Variants in HDAC9 observed in about 807,000 individuals in gnomAD.
HDAC9 encodes histone deacetylase 9.
In HDAC9, 41 loss-of-function variants were observed where a neutral mutation model predicts 139.4. That is an observed-to-expected ratio of 0.29 (90% CI 0.23 to 0.38). The LOEUF is 0.38. Among genes scored for constraint, HDAC9 ranks in the 10% least tolerant of loss-of-function variants. HDAC9 has a pLI of 1.00. For missense variants in HDAC9, 1,147 were observed against 1,297.0 expected, an observed-to-expected ratio of 0.88 and a Z score of 1.78; for synonymous variants, 517 against 476.2, an observed-to-expected ratio of 1.09 and a Z score of -1.12.
At chr7:18,512,382 A>T (rs184158713) in intron 2 of HDAC9, among the ~76,000 whole-genome samples, 212 of 152,318 alleles carry the variant, frequency 1.4e-3, no homozygotes, top group African/African-American at 4.6e-3. Flanking sequence ...TATATAAAAA[A>T]CAACCAAACA....
chr7:18,406,486 C>T (rs1228860393), intron 1 of HDAC9, among the ~76,000 whole-genome samples: 98 of 152,010 alleles, frequency 6.4e-4, no homozygotes, highest in Admixed American at 2.6e-4. Context: ...CTCCGCCTCC[C>T]GGGTTTACGC....
At chr7:18,548,190 G>A (rs1815818988) in intron 2 of HDAC9, among the ~76,000 whole-genome samples, 1 of 152,102 alleles carries the variant, frequency 6.6e-6, no homozygotes. Context: ...GCTGGTCAGT[G>A]AAGTCGGAAC....
At chr7:18,960,223 C>T (rs1244324642) in intron 24 of HDAC9, among the ~76,000 whole-genome samples, 2 of 152,114 alleles carry the variant, frequency 1.3e-5, no homozygotes, top group Non-Finnish European at 2.9e-5. Flanking sequence ...GCACAGAGCA[C>T]ACTCTCACAC....
At chr7:18,873,884 C>G (rs115775287) in intron 21 of HDAC9, among the ~76,000 whole-genome samples, 1 of 152,094 alleles carries the variant, frequency 6.6e-6, no homozygotes, top group Non-Finnish European at 1.5e-5. Flanking sequence ...GAGGCTGCCA[C>G]ATTCCTGGTG....
chr7:18,363,424 A>G (rs1056820284), intron 1 of HDAC9, among the ~76,000 whole-genome samples: 1 of 152,324 alleles, frequency 6.6e-6, no homozygotes, highest in Non-Finnish European at 1.5e-5. Flanking sequence ...CCATTTTTGT[A>G]GAATTTGGCC....
intron 1 of HDAC9, among the ~76,000 whole-genome samples, chr7:18,097,065 T>C (rs1235576675): frequency 2.0e-5 from 3 of 152,220 alleles, no homozygotes; most frequent in African/African-American, 7.2e-5. Flanking sequence ...TAGGCACATG[T>C]GGTCTTTGAA....
intron 1 of HDAC9, among the ~76,000 whole-genome samples, chr7:18,377,484 T>C (rs999910120): frequency 1.3e-5 from 2 of 152,216 alleles, no homozygotes; most frequent in Admixed American, 6.5e-5. Context: ...AGATTTCTTC[T>C]TTTTTTCCTT....
At chr7:18,535,690 T>A (rs1471823506) in intron 2 of HDAC9, among the ~76,000 whole-genome samples, 2 of 109,734 alleles carry the variant, frequency 1.8e-5, no homozygotes, top group African/African-American at 7.2e-5. Context: ...TCTACAAACA[T>A]TTTTCTGGGG....
intron 1 of HDAC9, among the ~76,000 whole-genome samples, chr7:18,443,792 C>G (rs551471583): frequency 7.3e-5 from 11 of 151,182 alleles, no homozygotes; most frequent in South Asian, 2.1e-4. Flanking sequence ...CTCTCCCTCT[C>G]TGTGTGTGTG....
At chr7:18,350,896 C>T (rs1382215688) in intron 1 of HDAC9, among the ~76,000 whole-genome samples, 3 of 152,122 alleles carry the variant, frequency 2.0e-5, no homozygotes, top group Non-Finnish European at 4.4e-5. Flanking sequence ...TTCCCAGGGG[C>T]CTTCTAGTTT....
At chr7:18,391,222 TA>T in intron 1 of HDAC9, among the ~76,000 whole-genome samples, 1 of 151,490 alleles carries the variant, frequency 6.6e-6, no homozygotes, top group South Asian at 2.1e-4. Context: ...CCGTCTCTAC[TA>T]AAAATACAAA....
rs1308475284 is a variant in HDAC9, at chr7:18,996,124, G to T, written c.*62G>T. ...CATCATTGTGTATCCCCCCACCCCA[G>T]TACCCTCAGACATGTCTTGTCTGCT... On this transcript the variant is annotated 3_prime_UTR_variant, in exon 26 of 26. Transcript: ENST00000686413. 2 of 1,259,382 alleles carry T rather than the reference G, an allele frequency of 1.6e-6. No individual in the cohort carries two copies. The highest frequency in any genetic ancestry group is 3.0e-5 in the African/African-American group (2 of 67,500). 78.0% of individuals were successfully genotyped at this position (1,259,382 alleles called of 1,614,324 possible).
chr7:18,682,993 A>G (rs1781996917), intron 12 of HDAC9, among the ~76,000 whole-genome samples: 2 of 152,008 alleles, frequency 1.3e-5, no homozygotes, highest in South Asian at 4.1e-4. Flanking sequence ...CAACAACAAA[A>G]AAAATTTAAA....
chr7:18,117,520 G>A (rs74726285), intron 1 of HDAC9, among the ~76,000 whole-genome samples: 3 of 148,538 alleles, frequency 2.0e-5, no homozygotes, highest in Non-Finnish European at 4.5e-5. Flanking sequence ...AAAAAAAAAA[G>A]AGAAGAGATA....
At chr7:18,355,976 C>G (rs1355604849) in intron 1 of HDAC9, among the ~76,000 whole-genome samples, 1 of 152,008 alleles carries the variant, frequency 6.6e-6, no homozygotes, top group Non-Finnish European at 1.5e-5. Flanking sequence ...TTGAAATGTT[C>G]CAAAATTGGA....
At chr7:18,760,382 G>A (rs564232582) in intron 14 of HDAC9, among the ~76,000 whole-genome samples, 1 of 151,966 alleles carries the variant, frequency 6.6e-6, no homozygotes, top group Admixed American at 6.6e-5. Context: ...GGTTGTTCTG[G>A]TCTCCCATAA....
chr7:18,480,223 T>C (rs1795446549), intron 1 of HDAC9, among the ~76,000 whole-genome samples: 1 of 152,168 alleles, frequency 6.6e-6, no homozygotes, highest in African/African-American at 2.4e-5. Flanking sequence ...GCAACACTAC[T>C]ATTAGGGATA....
chr7:18,809,434 A>T (rs1402226986), intron 17 of HDAC9, among the ~76,000 whole-genome samples: 1 of 152,060 alleles, frequency 6.6e-6, no homozygotes, highest in Admixed American at 6.5e-5. Flanking sequence ...TACAAACCAT[A>T]TATATGATAA....
chr7:18,668,779 A>G (rs1479716038), intron 12 of HDAC9: 1 of 982,618 alleles, frequency 1.0e-6, no homozygotes, highest in African/African-American at 1.8e-5. Flanking sequence ...TATTGTTTGT[A>G]TGTTTCCCTT....
Sources: gnomAD v4.1 joint callset for allele counts (sites outside exome capture counted in the v4.1 genomes callset) on GRCh38, gnomAD v4.1.1 for gene constraint, MANE v1.5 for transcripts, NCBI Gene and HGNC (gene_info 2026-07-23, HGNC 2026-07-21) for gene names.